The following XKR9 variants were observed in gnomAD, a reference collection of about 807,000 sequenced individuals.
The protein encoded by XKR9 is XK related 9, also known as XK-related protein 9.
Under a neutral mutation model 32.0 loss-of-function variants are expected in XKR9, and 32 were observed. The observed-to-expected ratio is 1.00, with a 90% confidence interval of 0.76 to 1.34. The LOEUF is 1.34. Ranked by LOEUF, XKR9 falls within the 40% of genes most tolerant of loss-of-function variation. The pLI is 0.00. For missense variants in XKR9, 546 were observed against 429.7 expected (o/e 1.27, Z -2.39); for synonymous variants, 168 against 143.4 (o/e 1.17, Z -1.22).
At chr8:70,772,149 A>G (rs1807461967) in intron 2 of XKR9, among the ~76,000 whole-genome samples, 1 of 152,190 alleles carries the variant, frequency 6.6e-6, no homozygotes, top group South Asian at 2.1e-4. Flanking sequence ...CATAATTAAA[A>G]TGCATTTTCT....
the XKR9 span, among the ~76,000 whole-genome samples, chr8:71,020,290 C>T: frequency 6.6e-6 from 1 of 152,158 alleles, no homozygotes; most frequent in Non-Finnish European, 1.5e-5. Flanking sequence ...TCCCATATGG[C>T]CTAGGTCATT....
chr8:71,048,387 T>C, the XKR9 span, among the ~76,000 whole-genome samples: 2 of 152,196 alleles, frequency 1.3e-5, no homozygotes, highest in Non-Finnish European at 2.9e-5. Flanking sequence ...TCTCTTTTTT[T>C]GCTTTTAAGG....
the XKR9 span, among the ~76,000 whole-genome samples, chr8:70,949,567 A>T: frequency 6.6e-6 from 1 of 152,060 alleles, no homozygotes; most frequent in East Asian, 1.9e-4. Context: ...TGAGGACTAC[A>T]CTGCCAAAAA....
chr8:70,953,588 C>T, the XKR9 span, among the ~76,000 whole-genome samples: 3 of 152,132 alleles, frequency 2.0e-5, no homozygotes. Flanking sequence ...CTGGGATTAT[C>T]GGTGTGAGCC....
At chr8:70,975,653 T>C in the XKR9 span, among the ~76,000 whole-genome samples, 1 of 152,212 alleles carries the variant, frequency 6.6e-6, no homozygotes, top group African/African-American at 2.4e-5. Context: ...AGCCTTGTAG[T>C]ATAGTTTGAA....
the XKR9 span, among the ~76,000 whole-genome samples, chr8:70,857,127 G>T: frequency 6.6e-6 from 1 of 152,116 alleles, no homozygotes; most frequent in East Asian, 1.9e-4. Context: ...TAAGAGCAGG[G>T]CAGAACTGAA....
chr8:70,967,864 A>C, the XKR9 span, among the ~76,000 whole-genome samples: 15 of 152,106 alleles, frequency 9.9e-5, no homozygotes, highest in South Asian at 2.1e-4. Flanking sequence ...GGCTGCCCTT[A>C]ACATTTTTTC....
chr8:70,681,398 T>A (rs772915367), intron 3 of XKR9, 68 bp downstream of exon 3: 13 of 1,522,912 alleles, frequency 8.5e-6, no homozygotes, highest in Non-Finnish European at 1.1e-5. Context: ...ATTTTGTATC[T>A]TATCTGGGTA....
chr8:71,002,542 T>C, the XKR9 span, among the ~76,000 whole-genome samples: 1 of 152,164 alleles, frequency 6.6e-6, no homozygotes, highest in South Asian at 2.1e-4. Context: ...GCAAAACACA[T>C]ACATTCAACA....
intron 1 of XKR9, chr8:70,670,570 T>TC (rs1818681754): frequency 6.6e-6 from 1 of 152,046 alleles, no homozygotes; most frequent in Admixed American, 6.5e-5. Context: ...CTTTTTTTTT[T>TC]CCAGATATTT....
At chr8:70,941,452 CA>C in the XKR9 span, among the ~76,000 whole-genome samples, 14 of 152,074 alleles carry the variant, frequency 9.2e-5, no homozygotes, top group Non-Finnish European at 2.1e-4. Context: ...TTAAAACAGT[CA>C]TATACCAGCA....
At chr8:70,787,610 T>A (rs1204323771) in intron 2 of XKR9, among the ~76,000 whole-genome samples, 3 of 152,082 alleles carry the variant, frequency 2.0e-5, no homozygotes, top group Non-Finnish European at 2.9e-5. Context: ...GCTTTGTTAA[T>A]CTGGTTACTG....
the XKR9 span, among the ~76,000 whole-genome samples, chr8:70,914,657 A>G: frequency 3.3e-5 from 5 of 152,158 alleles, no homozygotes; most frequent in African/African-American, 7.2e-5. Flanking sequence ...GTGATTTTCT[A>G]CCACTCATTG....
intron 2 of XKR9, among the ~76,000 whole-genome samples, chr8:70,746,511 G>T (rs1342464185): frequency 4.0e-5 from 6 of 149,830 alleles, no homozygotes; most frequent in Non-Finnish European, 8.9e-5. Flanking sequence ...AGATCACAGA[G>T]TATAGGGAAT....
the XKR9 span, among the ~76,000 whole-genome samples, chr8:71,056,586 A>G: frequency 1.3e-5 from 2 of 152,186 alleles, no homozygotes; most frequent in Non-Finnish European, 2.9e-5. Flanking sequence ...AAGTTAAGCA[A>G]CTTGCCCAGT....
intron 4 of XKR9, among the ~76,000 whole-genome samples, chr8:70,717,398 A>G (rs1318293967): frequency 6.6e-6 from 1 of 152,090 alleles, no homozygotes; most frequent in Non-Finnish European, 1.5e-5. Context: ...ATTTCCATAC[A>G]TCCTCTAAAA....
At chr8:70,949,565 ACACTGC>A in the XKR9 span, among the ~76,000 whole-genome samples, 3 of 152,082 alleles carry the variant, frequency 2.0e-5, no homozygotes, top group African/African-American at 7.2e-5. Context: ...TATGAGGACT[ACACTGC>A]CAAAAAGTGT....
chr8:71,029,003 C>T, the XKR9 span, among the ~76,000 whole-genome samples: 1 of 152,086 alleles, frequency 6.6e-6, no homozygotes, highest in South Asian at 2.1e-4. Context: ...CATGATTTCT[C>T]TGAGTCCATA....
chr8:70,986,549 A>G, the XKR9 span, among the ~76,000 whole-genome samples: 2 of 152,172 alleles, frequency 1.3e-5, no homozygotes, highest in African/African-American at 4.8e-5. Flanking sequence ...TAAGACTTCA[A>G]AATAGGAGAC....
Sources: gnomAD v4.1 joint callset for allele counts (sites outside exome capture counted in the v4.1 genomes callset) on GRCh38, gnomAD v4.1.1 for gene constraint, MANE v1.5 for transcripts, NCBI Gene and HGNC (gene_info 2026-07-23, HGNC 2026-07-21) for gene names.